Variants in BIRC6 observed in about 807,000 individuals in gnomAD.
BIRC6 encodes baculoviral IAP repeat containing 6.
BIRC6 carries 98 observed loss-of-function variants against 503.3 expected under a neutral mutation model. That is an observed-to-expected ratio of 0.19 (90% confidence interval 0.17 to 0.23). BIRC6 has a LOEUF of 0.23. Among genes scored for constraint, BIRC6 ranks in the 10% least tolerant of loss-of-function variants. The pLI is 1.00. For synonymous variants in BIRC6, 2,240 were observed against 2,078.7 expected (o/e 1.08, Z -2.11); for missense variants, 5,360 against 5,806.0 (o/e 0.92, Z 2.50).
intron 66 of BIRC6, among the ~76,000 whole-genome samples, chr2:32,579,274 C>T (rs2060503123): frequency 6.6e-6 from 1 of 151,800 alleles, no homozygotes; most frequent in African/African-American, 2.4e-5. Flanking sequence ...TGAGAATATC[C>T]TGTCTATCTT....
At chr2:32,609,722 C>G (rs1285093478) in intron 72 of BIRC6, among the ~76,000 whole-genome samples, 1 of 149,268 alleles carries the variant, frequency 6.7e-6, no homozygotes, top group Non-Finnish European at 1.5e-5. Context: ...GGCACTCCAG[C>G]CTGGGCAGCA....
At chr2:32,554,086 C>T (rs1393735092) in intron 65 of BIRC6, among the ~76,000 whole-genome samples, 1 of 152,018 alleles carries the variant, frequency 6.6e-6, no homozygotes, top group Non-Finnish European at 1.5e-5. Flanking sequence ...TGGTAATATT[C>T]ACATGTTAAT....
At chr2:32,504,805 G>A (rs2053618386) in intron 49 of BIRC6, among the ~76,000 whole-genome samples, 200 bp from the exon 50 acceptor site, 1 of 152,092 alleles carries the variant, frequency 6.6e-6, no homozygotes, top group Admixed American at 6.6e-5. Flanking sequence ...TAATGAACTT[G>A]TCACCTTGCC....
At chr2:32,399,620 G>T (rs1369111765) in intron 6 of BIRC6, among the ~76,000 whole-genome samples, 1 of 151,978 alleles carries the variant, frequency 6.6e-6, no homozygotes, top group East Asian at 1.9e-4. Flanking sequence ...ATAGCTAATA[G>T]AAATAAAAAT....
In BIRC6 at chr2:32,581,109, A is replaced by G. The variant is rs139647323; in HGVS notation, c.13355+5743A>G. Among the ~76,000 whole-genome samples the G allele has an allele frequency of 3.4e-3, 524 of 152,328 alleles. 5 individuals are homozygous for G. Among genetic ancestry groups the G allele is most frequent in the Non-Finnish European group, 5.2e-3 (352 of 68,034 alleles). The stretch of plus-strand genomic sequence containing the variant: ...AAGCTATGATCCGTCGATTGATAGA[A>G]GCTAAGTCGTTAAGTCAAAAAGCAT... On this transcript the variant is annotated intron_variant, in intron 66 of 73. Coordinates refer to ENST00000421745, the MANE Select transcript of BIRC6 (RefSeq NM_016252.4).
At chr2:32,449,507 A>G (rs1363441225) in intron 22 of BIRC6, among the ~76,000 whole-genome samples, 1 of 152,152 alleles carries the variant, frequency 6.6e-6, no homozygotes, top group Non-Finnish European at 1.5e-5. Context: ...TTTTTGTTAG[A>G]TAAAAGAGTG....
At chr2:32,520,148 T>C (rs1037708167) in intron 57 of BIRC6, among the ~76,000 whole-genome samples, 6 of 152,204 alleles carry the variant, frequency 3.9e-5, no homozygotes, top group African/African-American at 1.4e-4. Flanking sequence ...TGGAAATGTC[T>C]ATCAGTTAAA....
rs2044623785 is a variant in BIRC6 at position 32,435,727 on chromosome 2, G to A, written c.3499+142G>A. On this transcript the variant is annotated intron_variant, in intron 14 of 73. Transcript: ENST00000421745. The stretch of plus-strand genomic sequence containing the variant: ...AAAAAATAACCTATAATTCTGCTTT[G>A]GCAATATGCTTTAACTTTCAGCTCA... 3.3e-6 allele frequency: 3 copies of A among 910,688 alleles called. No individual in the cohort carries two copies. In the South Asian group the frequency reaches 7.1e-5, roughly 21 times the overall value. The allele number at this position is 910,688 out of a possible 1,614,324, so 56.4% of individuals were successfully genotyped here.
rs747335981 is a variant in BIRC6, at chr2:32,389,025, G to A, written c.839+82G>A. On this transcript the variant is annotated intron_variant, in intron 4 of 73. Coordinates refer to ENST00000421745, the MANE Select transcript of BIRC6 (RefSeq NM_016252.4). ...AAACAAGGAATAACTAGAAAATCTG[G>A]TTATGATTTTTAAAAATTTCACAAT... 813 of 970,854 alleles carry A rather than the reference G, an allele frequency of 8.4e-4. 1 individual carries two copies. Among genetic ancestry groups the A allele is most frequent in the Non-Finnish European group, 1.0e-3 (768 of 732,858 alleles). The allele number at this position is 970,854 out of a possible 1,614,324, so 60.1% of individuals were successfully genotyped here. A position where few individuals can be genotyped will look rare whatever the true frequency, so the allele number is the denominator to read the frequency against.
Position 32,479,480 on chromosome 2 carries a change from T to G in BIRC6, c.7271T>G (p.Val2424Gly). 6.2e-7 allele frequency: 1 copy of G among 1,601,372 alleles called. No homozygotes were observed. Among genetic ancestry groups the G allele is most frequent in the Non-Finnish European group, 8.5e-7 (1 of 1,173,468 alleles). The change falls in exon 37 of 74, where the codon GTA (valine) becomes GGA (glycine). Residue 2424 changes from valine to glycine, a missense_variant. By Grantham distance (109) the Val-to-Gly change is moderately radical. Around this residue, in one of 16 missense-constraint regions of BIRC6, gnomAD observed 2,299 missense variants for 2,267.2 expected, o/e 1.01. Transcript: ENST00000421745. ...DILAGELLAP[V>G]AAEAMEEGTV... ...CATACAGGAGAATTACTGGCTCCAG[T>G]AGCCGCAGAAGCCATGGAGGAAGGA...
intron 15 of BIRC6, among the ~76,000 whole-genome samples, chr2:32,437,581 A>G (rs1016189969): frequency 3.9e-5 from 6 of 152,338 alleles, no homozygotes; most frequent in African/African-American, 1.4e-4. Context: ...GCTTGGGACC[A>G]GAAGTGTTTC....
At chr2:32,429,349 A>T in intron 11 of BIRC6, 54 bp downstream of exon 11, 2 of 1,292,972 alleles carry the variant, frequency 1.5e-6, no homozygotes, top group South Asian at 3.3e-5. Flanking sequence ...AGTATTTATC[A>T]TTTTTCTAGT....
chr2:32,604,825 C>T (rs2151595842), intron 71 of BIRC6, among the ~76,000 whole-genome samples: 1 of 151,692 alleles, frequency 6.6e-6, no homozygotes. Context: ...ATTATTTTGT[C>T]ACTCTGGTAC....
chr2:32,617,461 G>T (rs2063320567), intron 73 of BIRC6, among the ~76,000 whole-genome samples: 1 of 152,196 alleles, frequency 6.6e-6, no homozygotes, highest in South Asian at 2.1e-4. Context: ...TGCTGTTTCT[G>T]TGACAGCTTG....
intron 10 of BIRC6, 104 bp from the exon 11 acceptor site, chr2:32,429,042 T>C (rs2043827249): frequency 9.3e-6 from 9 of 964,282 alleles, no homozygotes; most frequent in Non-Finnish European, 1.3e-5. Flanking sequence ...GCTTTCCTTA[T>C]CTGCCTATGA....
chr2:32,437,980 C>G (rs1230308584), intron 15 of BIRC6, among the ~76,000 whole-genome samples: 1 of 152,126 alleles, frequency 6.6e-6, no homozygotes, highest in East Asian at 1.9e-4. Context: ...TTTTTAGAGA[C>G]ACAGTCTCCC....
intron 39 of BIRC6, among the ~76,000 whole-genome samples, chr2:32,484,138 A>G (rs1297612580): frequency 6.6e-6 from 1 of 152,028 alleles, no homozygotes; most frequent in Non-Finnish European, 1.5e-5. Flanking sequence ...CAGCCTTCCA[A>G]ATTGCTGGGA....
intron 11 of BIRC6, 107 bp downstream of exon 11, chr2:32,429,402 A>T: frequency 1.2e-6 from 1 of 850,148 alleles, no homozygotes; most frequent in Non-Finnish European, 1.7e-6. Context: ...GTGATTCTCA[A>T]CCTGTATGGT....
In BIRC6 at chr2:32,397,620, A is replaced by G. The variant is rs572398472; in HGVS notation, c.1034+2027A>G. 6.2e-5 allele frequency among the ~76,000 whole-genome samples: 9 copies of G among 146,116 alleles called. No individual in the cohort carries two copies. The South Asian group carries it at 1.3e-3, about 21-fold the overall frequency. ...TGTGTGTGTGTATATATGTGTGTAT[A>G]TATATATATGTATATATATACACAC... On this transcript the variant is annotated intron_variant, in intron 6 of 73. Transcript: ENST00000421745.
Sources: allele counts gnomAD v4.1 joint callset (sites outside exome capture counted in the v4.1 genomes callset), GRCh38; gene constraint gnomAD v4.1.1; regional missense constraint gnomAD v4.1.1; transcripts MANE v1.5; gene names NCBI Gene and HGNC (gene_info 2026-07-23, HGNC 2026-07-21).